The following BEND3 variants were observed in gnomAD, a reference collection of about 807,000 sequenced individuals.
BEND3 encodes the protein BEN domain containing 3, also known as BEN domain-containing protein 3.
BEND3 carries 13 observed loss-of-function variants against 60.1 expected under a neutral mutation model. That is an observed-to-expected ratio of 0.22 (90% CI 0.14 to 0.34). The LOEUF (loss-of-function observed/expected upper bound fraction) is 0.34. Ranked by LOEUF, BEND3 falls within the 10% of genes least tolerant of loss-of-function variation. BEND3 has a pLI of 1.00. For missense variants in BEND3, 896 were observed against 1,138.1 expected, an observed-to-expected ratio of 0.79 and a Z score of 3.06; for synonymous variants, 497 against 491.5, an observed-to-expected ratio of 1.01 and a Z score of -0.15.
At chr6:107,103,573 C>T (rs148010058) in intron 1 of BEND3, among the ~76,000 whole-genome samples, 3 of 152,336 alleles carry the variant, frequency 2.0e-5, no homozygotes, top group Non-Finnish European at 2.9e-5. Context: ...CACATCCACA[C>T]GTTCCCCAAA....
chr6:107,101,809 G>A (rs989986988), intron 1 of BEND3, among the ~76,000 whole-genome samples: 1 of 152,148 alleles, frequency 6.6e-6, no homozygotes, highest in Non-Finnish European at 1.5e-5. Context: ...CCTGGTAGGA[G>A]GCCTCTCAAG....
At chr6:107,101,378 A>G (rs569933578) in intron 1 of BEND3, among the ~76,000 whole-genome samples, 19 of 152,352 alleles carry the variant, frequency 1.2e-4, no homozygotes, top group Non-Finnish European at 2.2e-4. Flanking sequence ...GAGCACAATC[A>G]TCACTGCAAA....
chr6:107,073,511 A>C (rs1775036590), intron 3 of BEND3, among the ~76,000 whole-genome samples: 1 of 151,982 alleles, frequency 6.6e-6, no homozygotes, highest in Non-Finnish European at 1.5e-5. Flanking sequence ...AGTGCCTAGC[A>C]AAGTGCCCAG....
At chr6:107,110,656 G>C (rs1366896751) in intron 1 of BEND3, among the ~76,000 whole-genome samples, 1 of 152,020 alleles carries the variant, frequency 6.6e-6, no homozygotes, top group Admixed American at 6.5e-5. Flanking sequence ...CTCCTCCCAG[G>C]TTCAAGCGAT....
intron 1 of BEND3, among the ~76,000 whole-genome samples, chr6:107,114,774 A>G (rs2115046609): frequency 6.9e-6 from 1 of 144,142 alleles, no homozygotes; most frequent in African/African-American, 2.5e-5. Flanking sequence ...CACCGCGCGA[A>G]CCCCCCGCCC....
rs115665966 is a variant in BEND3 at position 107,072,661 on chromosome 6, T to G, written c.241-1711A>C. Among the ~76,000 whole-genome samples the G allele has an allele frequency of 2.5e-3, 374 of 152,308 alleles. 1 individual carries two copies. Among genetic ancestry groups the G allele is most frequent in the African/African-American group, 8.6e-3 (359 of 41,562 alleles). On this transcript the variant is annotated intron_variant, in intron 3 of 3. Transcript: ENST00000369042. ...CAAATAAACAGAAAACTTTCATCAT[T>G]CTGAACCTTCCATGTGTTCTTTTTC...
intron 3 of BEND3, among the ~76,000 whole-genome samples, chr6:107,079,035 A>T (rs1554233158): frequency 1.3e-5 from 2 of 152,062 alleles, no homozygotes; most frequent in Non-Finnish European, 2.9e-5. Context: ...GCAGGCACAC[A>T]AGCAGCTGGA....
chr6:107,070,197 G>A lies in BEND3; in HGVS notation c.994C>T (p.Leu332=). The A allele has an allele frequency of 6.2e-7, 1 of 1,612,718 alleles. No individual in the cohort carries two copies. Among genetic ancestry groups the A allele is most frequent in the Non-Finnish European group, 8.5e-7 (1 of 1,179,862 alleles). ...CAGAAGCGGCTGAAGAAGTCGTTCA[G>A]CTGGGGCAGGCACTCGGCCTGCCAC... ...AVWQAECLPQ[L]NDFFSRFWAQ... is the part of the protein sequence containing the mutation. The change falls in exon 4 of 4, where the codon CTG becomes TTG. Residue 332 remains leucine, a synonymous_variant. Coordinates refer to ENST00000369042, the MANE Select transcript of BEND3 (RefSeq NM_001367314.1). This position sits in a 1 kb window ranked among gnomAD's most constrained non-coding sequence, Gnocchi z 6.9.
At chr6:107,082,079 T>G (rs1775246853) in intron 3 of BEND3, among the ~76,000 whole-genome samples, 1 of 152,212 alleles carries the variant, frequency 6.6e-6, no homozygotes, top group Admixed American at 6.5e-5. Flanking sequence ...ATTTTATGCT[T>G]CTATCAACAG....
intron 3 of BEND3, among the ~76,000 whole-genome samples, chr6:107,091,461 C>T (rs933999708): frequency 6.6e-6 from 1 of 152,068 alleles, no homozygotes; most frequent in Admixed American, 6.6e-5. Context: ...TTAGTAATAT[C>T]AGAAATGAGA....
chr6:107,070,229 G>A lies in BEND3; in HGVS notation c.962C>T (p.Thr321Met), dbSNP rs565100501. The part of the protein sequence containing the change: ...VEVYYPSVKD[T>M]AVWQAECLPQ... ...CAGGCACTCGGCCTGCCACACAGCC[G>A]TGTCCTTCACCGAGGGGTAGTAGAC... The change falls in exon 4 of 4, where the codon ACG becomes ATG. Residue 321 changes from threonine to methionine, a missense_variant. This residue lies in a region of BEND3 where 846 missense variants were observed against 1,036.7 expected (regional missense o/e 0.82). Transcript: ENST00000369042. The surrounding 1 kb of genome is among the most constrained non-coding windows in gnomAD (Gnocchi z 6.9). 12 of 1,612,942 alleles carry A rather than the reference G, an allele frequency of 7.4e-6. No individual in the cohort carries two copies. The highest frequency in any genetic ancestry group is 1.7e-5 in the Admixed American group (1 of 60,004).
chr6:107,089,741 C>T (rs1482503382), intron 3 of BEND3, among the ~76,000 whole-genome samples: 4 of 151,240 alleles, frequency 2.6e-5, no homozygotes, highest in African/African-American at 9.7e-5. Flanking sequence ...ATAAGAGGCA[C>T]GCACAATTGT....
chr6:107,101,172 A>G (rs1354096368), intron 1 of BEND3, among the ~76,000 whole-genome samples: 1 of 152,206 alleles, frequency 6.6e-6, no homozygotes, highest in East Asian at 1.9e-4. Context: ...ACTATACCCC[A>G]GCCTGGGTGA....
intron 3 of BEND3, among the ~76,000 whole-genome samples, chr6:107,085,614 C>T (rs1301839150): frequency 6.6e-6 from 1 of 151,656 alleles, no homozygotes; most frequent in African/African-American, 2.4e-5. Context: ...GCCTCAGCCT[C>T]CTGAGTAGCT....
Position 107,069,285 on chromosome 6 carries a change from C to G in BEND3, c.1906G>C (p.Val636Leu), listed in dbSNP as rs782740322. Residue 636 changes from valine to leucine, a missense_variant, in exon 4 of 4, where the codon GTG becomes CTG. By Grantham distance (32) the Val-to-Leu change is conservative. Transcript: ENST00000369042. ...CGGCAGCGCTCATCCAGTTTGCCCA[C>G]GAACTCCAGGGTCCAGACGCGGTCG... ...KNDRVWTLEF[V>L]GKLDERCRRR... 6.2e-7 allele frequency: 1 copy of G among 1,612,244 alleles called. No homozygotes were observed.
At position 107,091,126 on chromosome 6, in the gene BEND3, AGAAAAT is replaced by A; in HGVS notation, c.240+7419_240+7424del. On this transcript the variant is annotated intron_variant, in intron 3 of 3. Coordinates refer to ENST00000369042, the MANE Select transcript of BEND3 (RefSeq NM_001367314.1). ...CTCCATCTCGAAAAAAAAAAAAGAA[AGAAAAT>A]GAAAACTCAATTTACCAAAATTTGT... Among the ~76,000 whole-genome samples, 2 of 152,250 alleles carry A rather than the reference AGAAAAT, an allele frequency of 1.3e-5. 1 individual carries two copies. The highest frequency in any genetic ancestry group is 6.8e-3 in the Middle Eastern group (2 of 294).
At chr6:107,085,557 T>C (rs1180894106) in intron 3 of BEND3, among the ~76,000 whole-genome samples, 1 of 152,146 alleles carries the variant, frequency 6.6e-6, no homozygotes, top group Non-Finnish European at 1.5e-5. Flanking sequence ...AGTGGCATGA[T>C]CTCGGCTCAC....
rs372004731 is a variant in BEND3, at chr6:107,102,655, C to T, written c.-11-3359G>A. On this transcript the variant is annotated intron_variant, in intron 1 of 3. Transcript: ENST00000369042. ...GAACACAGCATGGTGGGCCCCTTCC[C>T]TCCGGGCCAGCAAATCAGCTTCACT... Among the ~76,000 whole-genome samples, 23 of 152,362 alleles carry T rather than the reference C, an allele frequency of 1.5e-4. No individual in the cohort carries two copies. The East Asian group carries it at 3.3e-3, about 22-fold the overall frequency.
Position 107,068,595 on chromosome 6 carries a change from G to A in BEND3, c.*109C>T. 3 of 1,219,440 alleles carry A rather than the reference G, an allele frequency of 2.5e-6. No homozygotes were observed. The highest frequency in any genetic ancestry group is 3.4e-6 in the Non-Finnish European group (3 of 880,334). The allele number at this position is 1,219,440 out of a possible 1,614,324, so 75.5% of individuals were successfully genotyped here. On this transcript the variant is annotated 3_prime_UTR_variant, in exon 4 of 4. Transcript: ENST00000369042. The surrounding 1 kb of genome is among the most constrained non-coding windows in gnomAD (Gnocchi z 5.8). Reference sequence around the variant, plus strand: ...AGTAAGCCACTCCCCACGGACATAAGGTGCCTGTCTGTGGATGCCATAGGC... The same window carrying A: ...AGTAAGCCACTCCCCACGGACATAAAGTGCCTGTCTGTGGATGCCATAGGC...
Sources: allele counts gnomAD v4.1 joint callset (sites outside exome capture counted in the v4.1 genomes callset), GRCh38; gene constraint gnomAD v4.1.1; regional missense constraint gnomAD v4.1.1; non-coding constraint Gnocchi (gnomAD v3.1); transcripts MANE v1.5; gene names NCBI Gene and HGNC (gene_info 2026-07-23, HGNC 2026-07-21).